The following TRERF1 variants were observed in gnomAD, a reference collection of about 807,000 sequenced individuals.
The protein encoded by TRERF1 is transcriptional-regulating factor 1.
In TRERF1, 27 loss-of-function variants were observed where a neutral mutation model predicts 122.9. The observed-to-expected ratio is 0.22, with a 90% CI of 0.16 to 0.30. The LOEUF (loss-of-function observed/expected upper bound fraction) is 0.30, where lower values mean the gene tolerates loss of function less well. Ranked by LOEUF, TRERF1 falls within the 10% of genes least tolerant of loss-of-function variation. The probability of loss-of-function intolerance (pLI) is 1.00; values close to 1 mark genes in which losing one functional copy is unlikely to be tolerated. For missense variants in TRERF1, 1,248 were observed against 1,560.3 expected, an observed-to-expected ratio of 0.80 and a Z score of 3.37; for synonymous variants, 636 against 641.7, an observed-to-expected ratio of 0.99 and a Z score of 0.13.
chr6:42,381,077 A>C (rs776985532), intron 2 of TRERF1, among the ~76,000 whole-genome samples: 5 of 152,150 alleles, frequency 3.3e-5, no homozygotes, highest in Non-Finnish European at 5.9e-5. Context: ...GAGGTCCTGG[A>C]GAACATGAAC....
intron 4 of TRERF1, among the ~76,000 whole-genome samples, chr6:42,282,776 C>T (rs1463244564): frequency 6.6e-6 from 1 of 152,082 alleles, no homozygotes; most frequent in African/African-American, 2.4e-5. Context: ...TAGTTACATC[C>T]TATAAAGTCT....
chr6:42,383,126 TAGG>T (rs1379358105), intron 2 of TRERF1, among the ~76,000 whole-genome samples: 1 of 151,980 alleles, frequency 6.6e-6, no homozygotes, highest in East Asian at 1.9e-4. Flanking sequence ...GAGACTGAGG[TAGG>T]AGGATTGCTT....
chr6:42,263,691 G>T lies in TRERF1; in HGVS notation c.1636-123C>A, dbSNP rs1207759846. 1 of 1,281,400 alleles carries T rather than the reference G, an allele frequency of 7.8e-7. No homozygotes were observed. Among genetic ancestry groups the T allele is most frequent in the Non-Finnish European group, 1.0e-6 (1 of 1,001,900 alleles). The allele number at this position is 1,281,400 out of a possible 1,614,324, so 79.4% of individuals were successfully genotyped here. A position where few individuals can be genotyped will look rare whatever the true frequency, so the allele number is the denominator to read the frequency against. On this transcript the variant is annotated intron_variant, in intron 7 of 17. Transcript: ENST00000372922. The surrounding 1 kb of genome is among the most constrained non-coding windows in gnomAD (Gnocchi z 5.6). ...GGGTGATAGAGAACCGCTGCAGGGCGATTTCCTTCCTGCAATCCTGAGTCC... is the reference window on the plus strand; with the variant it reads ...GGGTGATAGAGAACCGCTGCAGGGCTATTTCCTTCCTGCAATCCTGAGTCC...
intron 2 of TRERF1, among the ~76,000 whole-genome samples, chr6:42,396,631 C>T (rs1271243956): frequency 6.6e-6 from 1 of 152,226 alleles, no homozygotes; most frequent in Non-Finnish European, 1.5e-5. Context: ...CAGACCCTCT[C>T]ACTTAATAGC....
intron 3 of TRERF1, among the ~76,000 whole-genome samples, chr6:42,321,119 C>T (rs1763376338): frequency 6.9e-6 from 1 of 144,616 alleles, no homozygotes; most frequent in Non-Finnish European, 1.5e-5. Flanking sequence ...ATAGGTGGCT[C>T]ATGAGGCAGC....
intron 2 of TRERF1, among the ~76,000 whole-genome samples, chr6:42,408,373 C>CT (rs34753779): frequency 0.15 from 9,627 of 63,032 alleles, 3,241 homozygotes; most frequent in African/African-American, 0.34. Flanking sequence ...ATATATATAT[C>CT]TTTTTTTTTT....
Position 42,238,154 on chromosome 6 carries a change from C to T in TRERF1, c.2860-1743G>A, listed in dbSNP as rs1459925836. ...TCAGGTAAAACCATGTTATGTCAAA[C>T]TGGGACTTTGTGGTCTCAAACATTA... is the stretch of plus-strand genomic sequence containing the variant. On this transcript the variant is annotated intron_variant, in intron 15 of 17. Transcript: ENST00000372922. 2.0e-5 allele frequency among the ~76,000 whole-genome samples: 3 copies of T among 152,212 alleles called. 1 individual carries two copies. The highest frequency in any genetic ancestry group is 2.0e-4 in the Admixed American group (3 of 15,286).
intron 16 of TRERF1, among the ~76,000 whole-genome samples, chr6:42,233,281 CTTTTTTTTT>C (rs926204150): frequency 2.3e-5 from 3 of 128,984 alleles, no homozygotes; most frequent in African/African-American, 8.7e-5. Context: ...AGCTTTCAAA[CTTTTTTTTT>C]TTTTTTTTTT....
chr6:42,261,592 C>A (rs1481249842), intron 8 of TRERF1, among the ~76,000 whole-genome samples: 1 of 152,142 alleles, frequency 6.6e-6, no homozygotes, highest in Non-Finnish European at 1.5e-5. Context: ...GGGGAGGAAA[C>A]TGAGGCTGTG....
intron 2 of TRERF1, among the ~76,000 whole-genome samples, chr6:42,382,907 G>T (rs1338225946): frequency 6.6e-6 from 1 of 151,510 alleles, no homozygotes; most frequent in Non-Finnish European, 1.5e-5. Flanking sequence ...TCCAGACATT[G>T]CCAAGTGCCT....
chr6:42,411,831 T>C (rs1781132831), intron 2 of TRERF1, among the ~76,000 whole-genome samples: 1 of 152,152 alleles, frequency 6.6e-6, no homozygotes, highest in Admixed American at 6.5e-5. Context: ...CTGTGGAACA[T>C]GGAGAATCTG....
chr6:42,239,500 A>G (rs957542529), intron 15 of TRERF1, among the ~76,000 whole-genome samples: 21 of 152,160 alleles, frequency 1.4e-4, no homozygotes, highest in Admixed American at 1.3e-3. Flanking sequence ...CTAAAGGGCA[A>G]TCATTCCTTT....
At chr6:42,436,889 A>G (rs1002813542) in intron 2 of TRERF1, among the ~76,000 whole-genome samples, 2 of 146,492 alleles carry the variant, frequency 1.4e-5, no homozygotes, top group Admixed American at 1.4e-4. Flanking sequence ...TCAGTGAAAA[A>G]GTCTTAACAC....
At chr6:42,226,068 CT>C (rs921715265) in exon 18 of TRERF1, 23 of 152,172 alleles carry the variant, frequency 1.5e-4, no homozygotes, top group African/African-American at 5.1e-4. Context: ...GAAGTCCATT[CT>C]TTAAGTTGAT....
chr6:42,259,534 C>T lies in TRERF1; in HGVS notation c.2074G>A (p.Val692Ile), dbSNP rs544977979. Residue 692 changes from valine (V) to isoleucine (I), a missense_variant, in exon 9 of 18, where the codon GTC becomes ATC. Physicochemically the swap from Val to Ile is conservative, Grantham distance 29. Coordinates refer to ENST00000372922, the Ensembl canonical transcript of TRERF1. The surrounding 1 kb of genome is among the most constrained non-coding windows in gnomAD (Gnocchi z 4.9). ...TCCAGGAGCAGGTGGTCCCCGAGGACGCGCGGGGAGCGCAGCTGGCTCTGG... is the reference window on the plus strand; with the variant it reads ...TCCAGGAGCAGGTGGTCCCCGAGGATGCGCGGGGAGCGCAGCTGGCTCTGG... 95 of 1,613,306 alleles carry T rather than the reference C, an allele frequency of 5.9e-5. No homozygotes were observed. The highest frequency in any genetic ancestry group is 1.3e-4 in the Admixed American group (8 of 59,994).
In TRERF1 at chr6:42,259,540, G is replaced by A; in HGVS notation, c.2068C>T (p.Pro690Ser). The change falls in exon 9 of 18, where the codon CCG becomes TCG. Residue 690 changes from proline to serine, a missense_variant. Around this residue, in one of 5 missense-constraint regions of TRERF1, gnomAD observed 946 missense variants for 1,073.0 expected, o/e 0.88. Transcript: ENST00000372922. This position sits in a 1 kb window ranked among gnomAD's most constrained non-coding sequence, Gnocchi z 4.9. ...AGCAGGTGGTCCCCGAGGACGCGCGGGGAGCGCAGCTGGCTCTGGTACAGG... is the reference window on the plus strand; with the variant it reads ...AGCAGGTGGTCCCCGAGGACGCGCGAGGAGCGCAGCTGGCTCTGGTACAGG... The A allele has an allele frequency of 1.2e-6, 2 of 1,613,578 alleles. No homozygotes were observed. The highest frequency in any genetic ancestry group is 1.1e-5 in the South Asian group (1 of 91,066).
At chr6:42,447,661 G>A (rs1273644326) in intron 2 of TRERF1, among the ~76,000 whole-genome samples, 1 of 152,064 alleles carries the variant, frequency 6.6e-6, no homozygotes, top group African/African-American at 2.4e-5. Context: ...TACCGCCTGG[G>A]GTATAAGCCA....
intron 13 of TRERF1, among the ~76,000 whole-genome samples, chr6:42,247,869 A>G (rs1319467144): frequency 1.3e-5 from 2 of 152,170 alleles, no homozygotes; most frequent in African/African-American, 4.8e-5. Context: ...TATTTGGCCA[A>G]GGCTTTGACC....
intron 2 of TRERF1, among the ~76,000 whole-genome samples, chr6:42,378,012 A>G (rs1165567240): frequency 6.6e-6 from 1 of 152,134 alleles, no homozygotes; most frequent in African/African-American, 2.4e-5. Flanking sequence ...AGCTCAGTAA[A>G]TTATGTAACT....
Sources: allele counts gnomAD v4.1 joint callset (sites outside exome capture counted in the v4.1 genomes callset), GRCh38; gene constraint gnomAD v4.1.1; regional missense constraint gnomAD v4.1.1; non-coding constraint Gnocchi (gnomAD v3.1); transcripts MANE v1.5; gene names NCBI Gene and HGNC (gene_info 2026-07-23, HGNC 2026-07-21).